The following SCRN1 variants were observed in gnomAD, a reference collection of about 807,000 sequenced individuals.
SCRN1 encodes the protein secernin-1.
SCRN1 carries 19 observed loss-of-function variants against 43.3 expected under a neutral mutation model. The observed-to-expected ratio is 0.44, with a 90% CI of 0.31 to 0.64. The LOEUF (loss-of-function observed/expected upper bound fraction) is 0.64, where lower values mean the gene tolerates loss of function less well. Ranked by LOEUF, SCRN1 falls within the 30% of genes least tolerant of loss-of-function variation. The pLI, the probability that SCRN1 is intolerant of heterozygous loss-of-function variation, is 0.09. For missense variants in SCRN1, 447 were observed against 524.1 expected (o/e 0.85, Z 1.44); for synonymous variants, 183 against 188.9 (o/e 0.97, Z 0.26).
intron 5 of SCRN1, 38 bp downstream of exon 5, chr7:29,940,644 G>A (rs1425681256): frequency 1.9e-6 from 3 of 1,539,786 alleles, no homozygotes; most frequent in African/African-American, 2.8e-5. Flanking sequence ...AAGAGAAAGG[G>A]TATGAGAAGG....
rs1787875299 is a variant in SCRN1, at chr7:29,950,223, G to A, written c.341+4956C>T. Among the ~76,000 whole-genome samples the A allele has an allele frequency of 6.6e-6, 1 of 152,240 alleles. No homozygotes were observed. Among genetic ancestry groups the A allele is most frequent in the African/African-American group, 2.4e-5 (1 of 41,464 alleles). On this transcript the variant is annotated intron_variant, in intron 3 of 7. Coordinates refer to ENST00000242059, the MANE Select transcript of SCRN1 (RefSeq NM_014766.5). The surrounding 1 kb of genome is among the most constrained non-coding windows in gnomAD (Gnocchi z 4.5). ...GCTTCCCAGCACCTGCTCCAGTGCA[G>A]AGCAAAGTTGTGGCTGAGCCCAGGT...
intron 1 of SCRN1, among the ~76,000 whole-genome samples, chr7:29,988,366 A>G (rs1369252802): frequency 1.3e-5 from 2 of 152,206 alleles, no homozygotes; most frequent in African/African-American, 2.4e-5. Context: ...ATAAGTTAGG[A>G]AAAATAATTA....
Position 29,940,693 on chromosome 7 carries a change from T to C in SCRN1, c.728A>G (p.Glu243Gly), listed in dbSNP as rs756679527. The change falls in exon 5 of 8, where the codon GAA becomes GGA. Residue 243 changes from glutamate (E) to glycine (G), a missense_variant. Glu to Gly is a moderately conservative substitution (Grantham distance 98). Transcript: ENST00000242059. Reference sequence around the variant, plus strand: ...AGAGACTAACTCACCTTCTTGTTTTTCTAAGCTGTCTTTGCCAGCACCGCA... The same window carrying C: ...AGAGACTAACTCACCTTCTTGTTTTCCTAAGCTGTCTTTGCCAGCACCGCA... Reference protein sequence around the residue: ...LDCGAGKDSLEKQEESITVQT... With the variant: ...LDCGAGKDSLGKQEESITVQT... The C allele has an allele frequency of 8.1e-6, 13 of 1,599,336 alleles. No homozygotes were observed. In the South Asian group the frequency reaches 1.4e-4, roughly 17 times the overall value.
chr7:29,923,614 A>G lies in SCRN1; in HGVS notation c.*343T>C, dbSNP rs1174388319. ...TTTTCCCGCCAACTCGGCACTGTGA[A>G]GCCTGCCTTTCAAGGCTTGATGAAC... On this transcript the variant is annotated 3_prime_UTR_variant, in exon 8 of 8. Transcript: ENST00000242059. The G allele has an allele frequency of 5.4e-6, 1 of 183,910 alleles. No homozygotes were observed. The highest frequency in any genetic ancestry group is 1.1e-5 in the Non-Finnish European group (1 of 87,996). 11.4% of individuals were successfully genotyped at this position (183,910 alleles called of 1,614,324 possible).
chr7:29,943,341 T>C (rs117237172), intron 4 of SCRN1, among the ~76,000 whole-genome samples: 3,098 of 152,128 alleles, frequency 0.02, 39 homozygotes, highest in South Asian at 0.056. Context: ...GATACAAAAC[T>C]ACCACTCCCA....
chr7:29,922,581 A>G lies in SCRN1; in HGVS notation c.*1376T>C, dbSNP rs1298565224. On this transcript the variant is annotated 3_prime_UTR_variant, in exon 8 of 8. Coordinates refer to ENST00000242059, the MANE Select transcript of SCRN1 (RefSeq NM_014766.5). ...CATCATCTCTGCCCGTTTCAGGAGT[A>G]GCTGAGAGCTTGAATAGGTGGCGGT... is the stretch of plus-strand genomic sequence containing the variant. 1 of 152,272 alleles carries G rather than the reference A, an allele frequency of 6.6e-6. No homozygotes were observed. Among genetic ancestry groups the G allele is most frequent in the Non-Finnish European group, 1.5e-5 (1 of 68,078 alleles). The allele number at this position is 152,272 out of a possible 1,614,324, so 9.4% of individuals were successfully genotyped here.
At chr7:29,943,029 G>C (rs1264997090) in intron 4 of SCRN1, among the ~76,000 whole-genome samples, 1 of 152,208 alleles carries the variant, frequency 6.6e-6, no homozygotes, top group African/African-American at 2.4e-5. Context: ...CTAAGATAGG[G>C]ACGGCACACA....
chr7:29,944,110 A>G lies in SCRN1; in HGVS notation c.411T>C (p.His137=), dbSNP rs113148409. Residue 137 remains histidine, a synonymous_variant, in exon 4 of 8, where the codon CAT becomes CAC. Transcript: ENST00000242059. ...LDVIVSLLEE[H]GQGGNYFEDA... is the part of the protein sequence containing the mutation. ...CTTCAAAGTAATTCCCACCTTGTCC[A>G]TGTTCTTCCAACAAGGAGACAATGA... The G allele has an allele frequency of 1.2e-6, 2 of 1,614,166 alleles. No individual in the cohort carries two copies. Among genetic ancestry groups the G allele is most frequent in the African/African-American group, 2.7e-5 (2 of 75,054 alleles).
At position 29,924,031 on chromosome 7, in the gene SCRN1, C is replaced by T. The variant is rs762334666; in HGVS notation, c.1171G>A (p.Glu391Lys). ...CCCACTTCCGCAGGGTCCAGTGGCTCGGAGCTGGTCAGGATTTCTTCCATG... is the reference window on the plus strand; with the variant it reads ...CCCACTTCCGCAGGGTCCAGTGGCTTGGAGCTGGTCAGGATTTCTTCCATG... The part of the protein sequence containing the change: ...EAMEEILTSS[E>K]PLDPAEVGDL... Residue 391 changes from glutamate to lysine, a missense_variant, in exon 8 of 8, where the codon GAG (glutamate) becomes AAG (lysine). Transcript: ENST00000242059. 2.2e-5 allele frequency: 35 copies of T among 1,614,042 alleles called. No individual in the cohort carries two copies. The highest frequency in any genetic ancestry group is 8.9e-5 in the East Asian group (4 of 44,894).
At chr7:29,976,369 C>A (rs1157396632) in intron 1 of SCRN1, among the ~76,000 whole-genome samples, 3 of 152,102 alleles carry the variant, frequency 2.0e-5, no homozygotes, top group Non-Finnish European at 4.4e-5. Context: ...CATAAGGCAT[C>A]TAGAATAGTA....
chr7:29,928,048 A>T (rs933020634), intron 6 of SCRN1, among the ~76,000 whole-genome samples: 17 of 152,178 alleles, frequency 1.1e-4, no homozygotes, highest in African/African-American at 2.4e-5. Flanking sequence ...GCTGGAACCC[A>T]GGAGGCAGAG....
chr7:29,986,006 G>A (rs1437296305), intron 1 of SCRN1, among the ~76,000 whole-genome samples: 4 of 152,182 alleles, frequency 2.6e-5, no homozygotes, highest in Non-Finnish European at 5.9e-5. Flanking sequence ...AGGCCGAGGC[G>A]GGCAGATCAC....
chr7:29,968,557 T>C (rs1190326916), intron 2 of SCRN1, among the ~76,000 whole-genome samples: 1 of 152,190 alleles, frequency 6.6e-6, no homozygotes, highest in Non-Finnish European at 1.5e-5. Flanking sequence ...AATGGAAGGA[T>C]AAACCAAGAT....
At chr7:29,988,144 A>C (rs1583706804) in intron 1 of SCRN1, among the ~76,000 whole-genome samples, 1 of 152,284 alleles carries the variant, frequency 6.6e-6, no homozygotes, top group Non-Finnish European at 1.5e-5. Context: ...CTTCCAATGA[A>C]ACTTGATCTA....
At chr7:29,961,448 A>G (rs1488938815) in intron 2 of SCRN1, among the ~76,000 whole-genome samples, 1 of 136,296 alleles carries the variant, frequency 7.3e-6, no homozygotes, top group African/African-American at 2.8e-5. Flanking sequence ...GAACAAAATG[A>G]AAAGTCTCCC....
intron 5 of SCRN1, among the ~76,000 whole-genome samples, chr7:29,937,927 A>C (rs374839830): frequency 1.2e-4 from 18 of 152,288 alleles, no homozygotes; most frequent in African/African-American, 4.3e-4. Flanking sequence ...GCTTGCTTCA[A>C]CTGTCCAATG....
At chr7:29,957,315 G>A (rs1465181753) in intron 2 of SCRN1, among the ~76,000 whole-genome samples, 1 of 152,158 alleles carries the variant, frequency 6.6e-6, no homozygotes, top group Non-Finnish European at 1.5e-5. Context: ...AAATTCCTAC[G>A]AGCCCAGGCC....
rs780941872 is a variant in SCRN1, at chr7:29,940,792, C to T, written c.629G>A (p.Ser210Asn). 49 of 1,608,868 alleles carry T rather than the reference C, an allele frequency of 3.0e-5. No individual in the cohort carries two copies. Among genetic ancestry groups the T allele is most frequent in the East Asian group, 1.1e-4 (5 of 44,506 alleles). ...EHPELRSYAQ[S>N]QGWWTGEGEF... ...GCCCTCTCCCGTCCACCAACCTTGG[C>T]TCTGAGCGTAACTCCTGAGTTCCGG... is the stretch of plus-strand genomic sequence containing the variant. The change falls in exon 5 of 8, where the codon AGC becomes AAC. Residue 210 changes from serine (S) to asparagine (N), a missense_variant. Coordinates refer to ENST00000242059, the MANE Select transcript of SCRN1 (RefSeq NM_014766.5).
At chr7:29,942,736 G>A (rs573603159) in intron 4 of SCRN1, among the ~76,000 whole-genome samples, 5 of 152,158 alleles carry the variant, frequency 3.3e-5, no homozygotes, top group Admixed American at 6.5e-5. Context: ...GAAACTCTCC[G>A]TGATTGCTGA....
Sources: gnomAD v4.1 joint callset for allele counts (sites outside exome capture counted in the v4.1 genomes callset) on GRCh38, gnomAD v4.1.1 for gene constraint, Gnocchi (gnomAD v3.1) non-coding constraint, MANE v1.5 for transcripts, NCBI Gene and HGNC (gene_info 2026-07-23, HGNC 2026-07-21) for gene names.